Variants in SMCR8 observed in about 807,000 individuals in gnomAD.
The protein encoded by SMCR8 is guanine nucleotide exchange protein SMCR8.
Under a neutral mutation model 56.6 loss-of-function variants are expected in SMCR8, and 30 were observed. The observed-to-expected ratio is 0.53, with a 90% CI of 0.40 to 0.72. The LOEUF (loss-of-function observed/expected upper bound fraction) is 0.72. Ranked by LOEUF, SMCR8 falls within the 30% of genes least tolerant of loss-of-function variation. The probability of loss-of-function intolerance (pLI) is 0.00; values close to 1 mark genes in which losing one functional copy is unlikely to be tolerated. For missense variants in SMCR8, 1,198 were observed against 1,157.0 expected (o/e 1.04, Z -0.51); for synonymous variants, 538 against 456.0 (o/e 1.18, Z -2.29).
At position 18,316,923 on chromosome 17, in the gene SMCR8, C is replaced by G. The variant is rs1217289925; in HGVS notation, c.1134C>G (p.Val378=). ...TTCTCTTTGAAGACTTTGTGGAGGTCGATGACAGGATGGTGGAGAAACAAG... is the reference window on the plus strand; with the variant it reads ...TTCTCTTTGAAGACTTTGTGGAGGTGGATGACAGGATGGTGGAGAAACAAG... The part of the protein sequence containing the change: ...TNFLFEDFVE[V]DDRMVEKQES... Residue 378 remains valine, a synonymous_variant, in exon 1 of 2, where the codon GTC becomes GTG. Transcript: ENST00000406438. The G allele has an allele frequency of 6.8e-6, 11 of 1,614,126 alleles. No homozygotes were observed. Among genetic ancestry groups the G allele is most frequent in the Middle Eastern group, 1.6e-4 (1 of 6,062 alleles).
rs754756191 is a variant in SMCR8, at chr17:18,317,135, T to A, written c.1346T>A (p.Phe449Tyr). 1 of 1,614,180 alleles carries A rather than the reference T, an allele frequency of 6.2e-7. No homozygotes were observed. The highest frequency in any genetic ancestry group is 8.5e-7 in the Non-Finnish European group (1 of 1,180,046). Residue 449 changes from phenylalanine to tyrosine, a missense_variant, in exon 1 of 2, where the codon TTC becomes TAC. Coordinates refer to ENST00000406438, the MANE Select transcript of SMCR8 (RefSeq NM_144775.3). ...KEVEVTELSS[F>Y]DPQENLDYLD... Reference sequence around the variant, plus strand: ...GTGGAAGTGACTGAGTTGAGCAGTTTCGACCCCCAGGAAAACTTGGACTAC... The same window carrying A: ...GTGGAAGTGACTGAGTTGAGCAGTTACGACCCCCAGGAAAACTTGGACTAC...
At position 18,316,856 on chromosome 17, in the gene SMCR8, A is replaced by G; in HGVS notation, c.1067A>G (p.Gln356Arg). The change falls in exon 1 of 2, where the codon CAG becomes CGG. Residue 356 changes from glutamine (Q) to arginine (R), a missense_variant. By Grantham distance (43) the Gln-to-Arg change is conservative. Transcript: ENST00000406438. ...RGDLCYLLTS[Q>R]IDRALLKQQH... Reference sequence around the variant, plus strand: ...GACCTGTGTTACCTCCTGACCAGTCAGATTGATAGAGCACTTCTAAAACAA... The same window carrying G: ...GACCTGTGTTACCTCCTGACCAGTCGGATTGATAGAGCACTTCTAAAACAA... 1 of 1,614,238 alleles carries G rather than the reference A, an allele frequency of 6.2e-7. No individual in the cohort carries two copies. The highest frequency in any genetic ancestry group is 1.1e-5 in the South Asian group (1 of 91,092).
rs1266589777 is a variant in SMCR8 at position 18,327,525 on chromosome 17, C to T, written c.*4455C>T. 6.6e-6 allele frequency: 1 copy of T among 152,244 alleles called. No individual in the cohort carries two copies. The highest frequency in any genetic ancestry group is 1.5e-5 in the Non-Finnish European group (1 of 68,052). The allele number at this position is 152,244 out of a possible 1,614,324, so 9.4% of individuals were successfully genotyped here. On this transcript the variant is annotated 3_prime_UTR_variant, in exon 2 of 2. Transcript: ENST00000406438. ...AAAGCAAACGCCGACAGGCTAGACC[C>T]CAGATTGCAGGGGCTGCCACCTACA...
chr17:18,322,317 AAG>A (rs1273643251), intron 1 of SMCR8, among the ~76,000 whole-genome samples: 1 of 152,146 alleles, frequency 6.6e-6, no homozygotes, highest in Non-Finnish European at 1.5e-5. Flanking sequence ...GGCCTGAACA[AAG>A]AGGTTTGTAA....
In SMCR8 at chr17:18,317,011, A is replaced by G. The variant is rs569295666; in HGVS notation, c.1222A>G (p.Ile408Val). The change falls in exon 1 of 2, where the codon ATT (isoleucine) becomes GTT (valine). Residue 408 changes from isoleucine (I) to valine (V), a missense_variant. Ile to Val is a conservative substitution (Grantham distance 29). Coordinates refer to ENST00000406438, the MANE Select transcript of SMCR8 (RefSeq NM_144775.3). ...PPSSSLEECPIPKVLISVGSY... is the reference protein window; with the variant it reads ...PPSSSLEECPVPKVLISVGSY... ...TTCCAGTTCTCTAGAAGAATGCCCA[A>G]TTCCTAAAGTGTTAATTAGTGTTGG... The G allele has an allele frequency of 1.3e-5, 21 of 1,614,202 alleles. No homozygotes were observed. The highest frequency in any genetic ancestry group is 8.3e-5 in the Admixed American group (5 of 60,038).
chr17:18,327,905 A>C lies in SMCR8; in HGVS notation c.*4835A>C, dbSNP rs570374419. ...TAAGAAATTAATTTATTTGAGTTCA[A>C]ATATTTTTGAAATATAAAAATTGGT... is the stretch of plus-strand genomic sequence containing the variant. On this transcript the variant is annotated 3_prime_UTR_variant, in exon 2 of 2. Coordinates refer to ENST00000406438, the MANE Select transcript of SMCR8 (RefSeq NM_144775.3). 1 of 152,652 alleles carries C rather than the reference A, an allele frequency of 6.6e-6. No individual in the cohort carries two copies. Among genetic ancestry groups the C allele is most frequent in the Non-Finnish European group, 1.5e-5 (1 of 68,046 alleles). The allele number at this position is 152,652 out of a possible 1,614,324, so 9.5% of individuals were successfully genotyped here.
In SMCR8 at chr17:18,323,432, C is replaced by A; in HGVS notation, c.*362C>A. On this transcript the variant is annotated 3_prime_UTR_variant, in exon 2 of 2. Transcript: ENST00000406438. ...GCCAAAGCCTGATGGGAGGAGCACA[C>A]TGGCTGTATTCAGCATTGCCGGACA... is the stretch of plus-strand genomic sequence containing the variant. 3.8e-6 allele frequency: 1 copy of A among 261,460 alleles called. No homozygotes were observed. The highest frequency in any genetic ancestry group is 7.2e-5 in the South Asian group (1 of 13,902). 16.2% of individuals were successfully genotyped at this position (261,460 alleles called of 1,614,324 possible). A position where few individuals can be genotyped will look rare whatever the true frequency, so the allele number is the denominator to read the frequency against.
chr17:18,316,019 A>G lies in SMCR8; in HGVS notation c.230A>G (p.Asn77Ser), dbSNP rs555622594. The G allele has an allele frequency of 1.8e-5, 29 of 1,614,004 alleles. No individual in the cohort carries two copies. Among genetic ancestry groups the G allele is most frequent in the South Asian group, 5.5e-5 (5 of 91,072 alleles). ...CCCCAACCCTTACTGACCATCCCCA[A>G]TGACACCAAAGTTTTTGGCACTTTT... ...VGPQPLLTIP[N>S]DTKVFGTFDL... The change falls in exon 1 of 2, where the codon AAT becomes AGT. Residue 77 changes from asparagine (N) to serine (S), a missense_variant. Physicochemically the swap from Asn to Ser is conservative, Grantham distance 46 (BLOSUM62 1). Coordinates refer to ENST00000406438, the MANE Select transcript of SMCR8 (RefSeq NM_144775.3).
intron 1 of SMCR8, 94 bp downstream of exon 1, chr17:18,318,243 G>C: frequency 8.1e-7 from 1 of 1,235,352 alleles, no homozygotes; most frequent in East Asian, 2.3e-5. Flanking sequence ...CTGGCTTCTA[G>C]ACAGGGCCCA....
At position 18,316,308 on chromosome 17, in the gene SMCR8, A is replaced by G. The variant is rs770492251; in HGVS notation, c.519A>G (p.Ser173=). Residue 173 remains serine, a synonymous_variant, in exon 1 of 2, where the codon TCA becomes TCG. Transcript: ENST00000406438. ...TCATGCAGCAGTTCCAGGAGCTTTC[A>G]GCCGAATTTTCCAGAGCTTCTGAGT... ...HKIMQQFQEL[S]AEFSRASECL... is the part of the protein sequence containing the mutation. 33 of 1,614,040 alleles carry G rather than the reference A, an allele frequency of 2.0e-5. 1 individual carries two copies. Among genetic ancestry groups the G allele is most frequent in the Non-Finnish European group, 8.5e-6 (10 of 1,180,050 alleles).
At chr17:18,321,735 G>A (rs868749097) in intron 1 of SMCR8, among the ~76,000 whole-genome samples, 1 of 152,342 alleles carries the variant, frequency 6.6e-6, no homozygotes, top group African/African-American at 2.4e-5. Flanking sequence ...GGGAGGCCAA[G>A]GTGGGAGGAT....
chr17:18,327,277 G>A lies in SMCR8; in HGVS notation c.*4207G>A, dbSNP rs1428313727. On this transcript the variant is annotated 3_prime_UTR_variant, in exon 2 of 2. Coordinates refer to ENST00000406438, the MANE Select transcript of SMCR8 (RefSeq NM_144775.3). ...GGGGTGGATGGGGGTGTGGGGAGGGGATGAGCACTCTGCAGCCGATTAATC... is the reference window on the plus strand; with the variant it reads ...GGGGTGGATGGGGGTGTGGGGAGGGAATGAGCACTCTGCAGCCGATTAATC... 6.6e-6 allele frequency: 1 copy of A among 152,292 alleles called. No individual in the cohort carries two copies. Among genetic ancestry groups the A allele is most frequent in the Non-Finnish European group, 1.5e-5 (1 of 68,148 alleles). The allele number at this position is 152,292 out of a possible 1,614,324, so 9.4% of individuals were successfully genotyped here.
rs937954158 is a variant in SMCR8 at position 18,328,035 on chromosome 17, T to C, written c.*4965T>C. ...GTTTTGCACTTCAGCTACGTGAAAA[T>C]AAAATTTCTTTGGGAAGGTGACATT... is the stretch of plus-strand genomic sequence containing the variant. On this transcript the variant is annotated 3_prime_UTR_variant, in exon 2 of 2. Coordinates refer to ENST00000406438, the MANE Select transcript of SMCR8 (RefSeq NM_144775.3). 2.6e-5 allele frequency: 4 copies of C among 152,512 alleles called. No homozygotes were observed. The highest frequency in any genetic ancestry group is 5.9e-5 in the Non-Finnish European group (4 of 68,048). The allele number at this position is 152,512 out of a possible 1,614,324, so 9.4% of individuals were successfully genotyped here.
At chr17:18,318,304 A>C (rs146402008) in intron 1 of SMCR8, among the ~76,000 whole-genome samples, 155 bp downstream of exon 1, 4 of 151,816 alleles carry the variant, frequency 2.6e-5, no homozygotes, top group African/African-American at 7.3e-5. Context: ...TCTGGTTTCT[A>C]TTTCCTTGTC....
At chr17:18,320,231 C>T (rs974836238) in intron 1 of SMCR8, among the ~76,000 whole-genome samples, 2 of 152,212 alleles carry the variant, frequency 1.3e-5, no homozygotes, top group South Asian at 4.1e-4. Context: ...TGTCCTCCTG[C>T]GGCGGGCATG....
Position 18,318,089 on chromosome 17 carries a change from G to A in SMCR8, c.2300G>A (p.Trp767Ter), listed in dbSNP as rs1378659686. The A allele has an allele frequency of 2.5e-6, 4 of 1,614,064 alleles. No homozygotes were observed. The highest frequency in any genetic ancestry group is 3.4e-6 in the Non-Finnish European group (4 of 1,180,028). Residue 767 changes from tryptophan to a stop codon, truncating the protein, a stop_gained, in exon 1 of 2, where the codon TGG becomes TAG. Coordinates refer to ENST00000406438, the MANE Select transcript of SMCR8 (RefSeq NM_144775.3). LOFTEE classifies it high-confidence loss of function. ...YGCYAKPVKH[W>*]ASSPLHIMDF... ...TGCTACGCTAAGCCCGTGAAACATT[G>A]GGCCTCCTCCCCTTTGCACATTATG...
rs547627386 is a variant in SMCR8 at position 18,326,190 on chromosome 17, C to T, written c.*3120C>T. On this transcript the variant is annotated 3_prime_UTR_variant, in exon 2 of 2. Coordinates refer to ENST00000406438, the MANE Select transcript of SMCR8 (RefSeq NM_144775.3). ...AGTGCCCCTTGCTACTTTCTCAGTC[C>T]TCACTATTGCTTTGAGGGCCCAGGT... The T allele has an allele frequency of 2.0e-5, 3 of 152,292 alleles. No individual in the cohort carries two copies. The highest frequency in any genetic ancestry group is 2.1e-4 in the South Asian group (1 of 4,826). The allele number at this position is 152,292 out of a possible 1,614,324, so 9.4% of individuals were successfully genotyped here.
At position 18,322,761 on chromosome 17, in the gene SMCR8, A is replaced by T. The variant is rs1476466953; in HGVS notation, c.2505A>T (p.Thr835=). The change falls in exon 2 of 2, where the codon ACA becomes ACT. Residue 835 remains threonine, a synonymous_variant. Transcript: ENST00000406438. ...TGCCCCGCCTGGCAGACCACCGCAC[A>T]CAGATCAAGCGGGGCAGCACCTACT... is the stretch of plus-strand genomic sequence containing the variant. ...TLVPRLADHR[T]QIKRGSTYYL... The T allele has an allele frequency of 1.2e-6, 2 of 1,614,066 alleles. No homozygotes were observed. The highest frequency in any genetic ancestry group is 1.7e-6 in the Non-Finnish European group (2 of 1,180,012).
rs1982746341 is a variant in SMCR8, at chr17:18,327,977, A to C, written c.*4907A>C. ...TCTTGTAGACATTCTGTGGTTAAAA[A>C]TTTGATTGTGCTTATTAAAAATGGT... On this transcript the variant is annotated 3_prime_UTR_variant, in exon 2 of 2. Transcript: ENST00000406438. The C allele has an allele frequency of 6.6e-6, 1 of 152,640 alleles. No individual in the cohort carries two copies. The allele number at this position is 152,640 out of a possible 1,614,324, so 9.5% of individuals were successfully genotyped here.
Sources: allele counts gnomAD v4.1 joint callset (sites outside exome capture counted in the v4.1 genomes callset), GRCh38; gene constraint gnomAD v4.1.1; transcripts MANE v1.5; gene names NCBI Gene and HGNC (gene_info 2026-07-23, HGNC 2026-07-21).